Variants in XPO6 observed in about 807,000 individuals in gnomAD.
XPO6 encodes exportin-6.
A neutral mutation model predicts 130.0 loss-of-function variants in XPO6; 3 were observed. That is an observed-to-expected ratio of 0.02 (90% CI 0.01 to 0.06). The LOEUF is 0.06. XPO6 is among the 10% of genes least tolerant of loss of function. The pLI, the probability that XPO6 is intolerant of heterozygous loss-of-function variation, is 1.00. For missense variants in XPO6, 970 were observed against 1,393.0 expected (o/e 0.70, Z 4.83); for synonymous variants, 524 against 548.9 (o/e 0.95, Z 0.63).
Position 28,172,728 on chromosome 16 carries a change from C to T in XPO6, c.406-2819G>A, listed in dbSNP as rs183130766. 2.0e-5 allele frequency among the ~76,000 whole-genome samples: 3 copies of T among 152,216 alleles called. No individual in the cohort carries two copies. The East Asian group carries it at 5.8e-4, about 29-fold the overall frequency. ...AACTGCATAGATACCACCCAACAAACTGTCACAGCGTTTAAAAAAAACAAA... is the reference window on the plus strand; with the variant it reads ...AACTGCATAGATACCACCCAACAAATTGTCACAGCGTTTAAAAAAAACAAA... On this transcript the variant is annotated intron_variant, in intron 4 of 23. Coordinates refer to ENST00000304658, the MANE Select transcript of XPO6 (RefSeq NM_015171.4).
chr16:28,128,163 G>T (rs1332860454), intron 12 of XPO6, among the ~76,000 whole-genome samples: 1 of 152,118 alleles, frequency 6.6e-6, no homozygotes, highest in African/African-American at 2.4e-5. Flanking sequence ...AATGTCAATG[G>T]GATTTTCAAG....
At chr16:28,188,669 T>C (rs1277137540) in intron 1 of XPO6, among the ~76,000 whole-genome samples, 2 of 56,562 alleles carry the variant, frequency 3.5e-5, no homozygotes, top group Non-Finnish European at 3.1e-5. Flanking sequence ...CCTTCACCAC[T>C]GCAAAAAAAA....
intron 1 of XPO6, among the ~76,000 whole-genome samples, chr16:28,192,477 C>T (rs1203298817): frequency 6.6e-6 from 1 of 152,048 alleles, no homozygotes; most frequent in Non-Finnish European, 1.5e-5. Context: ...TTCTAGTTGG[C>T]CTTGCCACCC....
intron 9 of XPO6, among the ~76,000 whole-genome samples, chr16:28,136,521 A>G (rs757609855): frequency 6.6e-6 from 1 of 152,124 alleles, no homozygotes; most frequent in Non-Finnish European, 1.5e-5. Flanking sequence ...CCCAGCACCA[A>G]TGGGTTTTAA....
chr16:28,178,165 G>A (rs1196066826), intron 2 of XPO6, among the ~76,000 whole-genome samples: 6 of 152,172 alleles, frequency 3.9e-5, no homozygotes, highest in Non-Finnish European at 8.8e-5. Flanking sequence ...AGAGATTCTA[G>A]AAAGCCTTTG....
At chr16:28,119,805 A>G (rs1359156738) in intron 14 of XPO6, among the ~76,000 whole-genome samples, 1 of 152,180 alleles carries the variant, frequency 6.6e-6, no homozygotes, top group East Asian at 1.9e-4. Context: ...TATTTCTAGG[A>G]TACACACACT....
chr16:28,207,951 C>A (rs1251478036), intron 1 of XPO6, among the ~76,000 whole-genome samples: 2 of 152,154 alleles, frequency 1.3e-5, no homozygotes, highest in African/African-American at 4.8e-5. Flanking sequence ...TCGAGACCAG[C>A]CTGGCCAACC....
At chr16:28,141,867 G>C (rs2042900344) in intron 9 of XPO6, among the ~76,000 whole-genome samples, 1 of 152,240 alleles carries the variant, frequency 6.6e-6, no homozygotes, top group South Asian at 2.1e-4. Flanking sequence ...GGCTGAGGCA[G>C]GAGAATGGTG....
chr16:28,150,685 T>G (rs938578203), intron 8 of XPO6, among the ~76,000 whole-genome samples: 1 of 152,186 alleles, frequency 6.6e-6, no homozygotes, highest in Non-Finnish European at 1.5e-5. Context: ...CAAGACATTG[T>G]CATTCCATCT....
chr16:28,153,027 C>A (rs1181299680), intron 7 of XPO6: 2 of 1,124,932 alleles, frequency 1.8e-6, no homozygotes, highest in South Asian at 2.6e-5. Flanking sequence ...TTCTTATAAT[C>A]TAGTGCGCTC....
intron 9 of XPO6, among the ~76,000 whole-genome samples, chr16:28,140,417 C>T (rs1161562688): frequency 2.0e-5 from 3 of 152,028 alleles, no homozygotes; most frequent in Admixed American, 6.5e-5. Flanking sequence ...TGGTGGCTCA[C>T]GCCTGTAATC....
intron 8 of XPO6, among the ~76,000 whole-genome samples, chr16:28,147,120 AC>A (rs1450734243): frequency 6.6e-6 from 1 of 152,180 alleles, no homozygotes; most frequent in Non-Finnish European, 1.5e-5. Flanking sequence ...TAATAACATG[AC>A]CTTCTTGGAT....
intron 21 of XPO6, among the ~76,000 whole-genome samples, chr16:28,103,915 TC>T (rs1313920967): frequency 6.6e-6 from 1 of 151,634 alleles, no homozygotes; most frequent in Non-Finnish European, 1.5e-5. Context: ...CAAAAGAGAC[TC>T]CCCTAGCTAG....
intron 1 of XPO6, among the ~76,000 whole-genome samples, chr16:28,181,916 G>C (rs755042912): frequency 2.0e-5 from 3 of 152,056 alleles, no homozygotes; most frequent in Non-Finnish European, 2.9e-5. Context: ...CCCTCCCTTT[G>C]GGGTTCATAT....
chr16:28,202,186 A>G (rs1246078602), intron 1 of XPO6, among the ~76,000 whole-genome samples: 1 of 152,144 alleles, frequency 6.6e-6, no homozygotes, highest in Non-Finnish European at 1.5e-5. Context: ...TTTCATAGAT[A>G]CTCCAAATAA....
chr16:28,127,371 G>A (rs1261317313), intron 12 of XPO6, among the ~76,000 whole-genome samples: 6 of 152,112 alleles, frequency 3.9e-5, no homozygotes, highest in African/African-American at 9.7e-5. Context: ...GAGATAAACC[G>A]ATGATTTACA....
intron 2 of XPO6, among the ~76,000 whole-genome samples, chr16:28,177,597 C>A (rs985567514): frequency 2.0e-5 from 3 of 152,142 alleles, no homozygotes; most frequent in African/African-American, 7.2e-5. Context: ...ACTTTCACTG[C>A]TAAAGTTCTT....
intron 2 of XPO6, among the ~76,000 whole-genome samples, chr16:28,177,794 A>G (rs1186443097): frequency 6.6e-6 from 1 of 152,218 alleles, no homozygotes; most frequent in African/African-American, 2.4e-5. Context: ...AAAAGAAAAG[A>G]TTAAGACTAA....
chr16:28,146,654 G>A (rs2042988175), intron 8 of XPO6, among the ~76,000 whole-genome samples: 1 of 152,184 alleles, frequency 6.6e-6, no homozygotes, highest in South Asian at 2.1e-4. Flanking sequence ...ATCAGTTTCA[G>A]TGGCTCCAAA....
Sources: allele counts gnomAD v4.1 joint callset (sites outside exome capture counted in the v4.1 genomes callset), GRCh38; gene constraint gnomAD v4.1.1; transcripts MANE v1.5; gene names NCBI Gene and HGNC (gene_info 2026-07-23, HGNC 2026-07-21).